VCAN: variants seen among roughly 807,000 people sequenced by gnomAD.
VCAN encodes versican, also known as versican core protein.
A neutral mutation model predicts 245.5 loss-of-function variants in VCAN; 44 were observed. That is an observed-to-expected ratio of 0.18 (90% CI 0.14 to 0.23). VCAN has a LOEUF of 0.23. VCAN is among the 10% of genes least tolerant of loss of function. The pLI, the probability that VCAN is intolerant of heterozygous loss-of-function variation, is 1.00. For missense variants in VCAN, 3,793 were observed against 4,057.9 expected, an observed-to-expected ratio of 0.93 and a Z score of 1.77; for synonymous variants, 1,413 against 1,437.0, an observed-to-expected ratio of 0.98 and a Z score of 0.38.
Position 83,580,429 on chromosome 5 carries a change from C to A in VCAN, c.10186C>A (p.Arg3396Ser). The change falls in exon 15 of 15, where the codon CGC (arginine) becomes AGC (serine). Residue 3396 changes from arginine (R) to serine (S), a missense_variant. Coordinates refer to ENST00000265077, the MANE Select transcript of VCAN (RefSeq NM_004385.5). ...GAGCCGGAGGTGGCAGGAGTCGAGG[C>A]GCTGATCCCTAAAATGGCGAACATG... is the stretch of plus-strand genomic sequence containing the variant. ...RWSRRWQESRR is the reference protein window; with the variant it reads ...RWSRRWQESRS The A allele has an allele frequency of 1.2e-6, 2 of 1,613,744 alleles. No homozygotes were observed. Among genetic ancestry groups the A allele is most frequent in the Non-Finnish European group, 1.7e-6 (2 of 1,179,874 alleles).
rs139615092 is a variant in VCAN at position 83,527,240 on chromosome 5, A to G, written c.4003+4931A>G. Among the ~76,000 whole-genome samples the G allele has an allele frequency of 1.7e-3, 257 of 152,360 alleles. 1 individual carries two copies. Among genetic ancestry groups the G allele is most frequent in the African/African-American group, 5.8e-3 (242 of 41,590 alleles). ...TCTTCAGATACCTGACATAGCAAGG[A>G]AAGAGTGTGCTGAAATTGGTAGTAC... On this transcript the variant is annotated intron_variant, in intron 7 of 14. Coordinates refer to ENST00000265077, the MANE Select transcript of VCAN (RefSeq NM_004385.5).
At chr5:83,556,970 G>C (rs560011103) in intron 12 of VCAN, among the ~76,000 whole-genome samples, 2 of 152,020 alleles carry the variant, frequency 1.3e-5, no homozygotes, top group Non-Finnish European at 2.9e-5. Flanking sequence ...CTTATTTATA[G>C]CCCAGTGAAA....
chr5:83,549,099 A>G (rs530140575), intron 10 of VCAN, among the ~76,000 whole-genome samples: 1 of 152,216 alleles, frequency 6.6e-6, no homozygotes, highest in South Asian at 2.1e-4. Context: ...AAACATTAGA[A>G]AGATGGCATT....
At chr5:83,510,596 A>G (rs924027038) in intron 5 of VCAN, among the ~76,000 whole-genome samples, 5 of 152,214 alleles carry the variant, frequency 3.3e-5, no homozygotes, top group African/African-American at 9.6e-5. Context: ...TAGGTATTCT[A>G]TAATTCTGCT....
intron 7 of VCAN, among the ~76,000 whole-genome samples, chr5:83,529,034 A>G (rs989560321): frequency 3.3e-5 from 5 of 152,078 alleles, no homozygotes; most frequent in Admixed American, 6.6e-5. Flanking sequence ...ACATATATGT[A>G]TACACACATA....
intron 8 of VCAN, among the ~76,000 whole-genome samples, 188 bp from the exon 9 acceptor site, chr5:83,545,349 T>C (rs753486411): frequency 1.1e-4 from 16 of 152,208 alleles, no homozygotes; most frequent in Non-Finnish European, 2.1e-4. Context: ...ATGCAATTTG[T>C]AACAATTAGT....
chr5:83,485,682 C>A (rs1342962893), intron 2 of VCAN, among the ~76,000 whole-genome samples: 1 of 151,922 alleles, frequency 6.6e-6, no homozygotes, highest in Non-Finnish European at 1.5e-5. Flanking sequence ...AGGAGTCAGT[C>A]CATCCACTGA....
In VCAN at chr5:83,519,938, C is replaced by T. The variant is rs1328223026; in HGVS notation, c.1632C>T (p.Thr544=). The T allele has an allele frequency of 6.2e-7, 1 of 1,614,020 alleles. No individual in the cohort carries two copies. The highest frequency in any genetic ancestry group is 2.2e-5 in the East Asian group (1 of 44,874). The change falls in exon 7 of 15, where the codon ACC becomes ACT. Residue 544 remains threonine (T), a synonymous_variant. Coordinates refer to ENST00000265077, the MANE Select transcript of VCAN (RefSeq NM_004385.5). ...TAAGCACTGTTTCTGAATTGGTAAC[C>T]ACAGGTCACTATGGATTCACCTTGG... ...KMVSTVSELV[T]TGHYGFTLGE...
intron 10 of VCAN, among the ~76,000 whole-genome samples, chr5:83,551,327 A>T (rs983107262): frequency 5.9e-5 from 9 of 152,134 alleles, no homozygotes; most frequent in Non-Finnish European, 1.3e-4. Flanking sequence ...CCTGGGCAAC[A>T]TGGTGAAAGC....
intron 5 of VCAN, among the ~76,000 whole-genome samples, chr5:83,501,409 T>C (rs952973076): frequency 2.6e-5 from 4 of 152,220 alleles, no homozygotes; most frequent in Non-Finnish European, 5.9e-5. Context: ...CTCTGTGTTT[T>C]AGTCTAAGAG....
rs140261411 is a variant in VCAN at position 83,581,246 on chromosome 5, T to TTACC, written c.*813_*816dup. The TTACC allele has an allele frequency of 5.3e-3, 794 of 150,786 alleles. 5 individuals carry two copies. Among genetic ancestry groups the TTACC allele is most frequent in the Middle Eastern group, 0.038 (11 of 292 alleles). The allele number at this position is 150,786 out of a possible 1,614,324, so 9.3% of individuals were successfully genotyped here. A position where few individuals can be genotyped will look rare whatever the true frequency, so the allele number is the denominator to read the frequency against. Reference sequence around the variant, plus strand: ...GCTTTCATAACACTAACTCATAAGGTTACCGATCAATGCATTTCATACGGA... The same window carrying TTACC: ...GCTTTCATAACACTAACTCATAAGGTTACCTACCGATCAATGCATTTCATACGGA... On this transcript the variant is annotated 3_prime_UTR_variant, in exon 15 of 15. Coordinates refer to ENST00000265077, the MANE Select transcript of VCAN (RefSeq NM_004385.5).
At chr5:83,486,371 C>T (rs1031635835) in intron 2 of VCAN, among the ~76,000 whole-genome samples, 6 of 152,174 alleles carry the variant, frequency 3.9e-5, no homozygotes, top group African/African-American at 1.4e-4. Context: ...ATAAATGCCA[C>T]AGTGGACCAC....
chr5:83,546,009 G>C (rs1195299847), intron 9 of VCAN, among the ~76,000 whole-genome samples: 2 of 152,102 alleles, frequency 1.3e-5, no homozygotes, highest in African/African-American at 2.4e-5. Context: ...TAGAAAGCTA[G>C]ACTTAAAAAT....
At chr5:83,550,107 C>G (rs947271562) in intron 10 of VCAN, among the ~76,000 whole-genome samples, 1 of 152,128 alleles carries the variant, frequency 6.6e-6, no homozygotes, top group Admixed American at 6.5e-5. Context: ...CACAAACTGC[C>G]CTTGCCAAAG....
intron 1 of VCAN, among the ~76,000 whole-genome samples, chr5:83,473,053 C>T (rs1383592007): frequency 2.6e-5 from 4 of 152,170 alleles, no homozygotes; most frequent in Non-Finnish European, 5.9e-5. Context: ...TCCTAGTTCT[C>T]CGCTCTAGTT....
intron 1 of VCAN, among the ~76,000 whole-genome samples, chr5:83,476,987 TTTTA>T (rs1268987716): frequency 2.6e-5 from 4 of 152,152 alleles, no homozygotes; most frequent in Non-Finnish European, 4.4e-5. Context: ...ATTATAATCT[TTTTA>T]TTATTAAATT....
At chr5:83,483,425 T>C (rs1319417487) in intron 1 of VCAN, 88 bp from the exon 2 acceptor site, 8 of 1,031,654 alleles carry the variant, frequency 7.8e-6, no homozygotes, top group African/African-American at 3.1e-5. Flanking sequence ...CTACCCTTAT[T>C]ACATACAATG....
At chr5:83,483,737 C>A in intron 2 of VCAN, 149 bp downstream of exon 2, 1 of 745,970 alleles carries the variant, frequency 1.3e-6, no homozygotes, top group Non-Finnish European at 2.3e-6. Flanking sequence ...ATTATTGGAC[C>A]AAAAACATTA....
chr5:83,509,434 C>T (rs1347549839), intron 5 of VCAN, among the ~76,000 whole-genome samples: 1 of 152,210 alleles, frequency 6.6e-6, no homozygotes, highest in Non-Finnish European at 1.5e-5. Context: ...ATCATGCTGC[C>T]ATTTTTTCCT....
Sources: gnomAD v4.1 joint callset for allele counts (sites outside exome capture counted in the v4.1 genomes callset) on GRCh38, gnomAD v4.1.1 for gene constraint, MANE v1.5 for transcripts, NCBI Gene and HGNC (gene_info 2026-07-23, HGNC 2026-07-21) for gene names.